The following TMPRSS6 variants were observed in gnomAD, a reference collection of about 807,000 sequenced individuals.
The protein encoded by TMPRSS6 is transmembrane protease serine 6.
Under a neutral mutation model 101.5 loss-of-function variants are expected in TMPRSS6, and 67 were observed. The observed-to-expected ratio is 0.66, with a 90% confidence interval of 0.54 to 0.81. The LOEUF is 0.81. Ranked by LOEUF, TMPRSS6 falls within the 30% of genes least tolerant of loss-of-function variation. The pLI, the probability that TMPRSS6 is intolerant of heterozygous loss-of-function variation, is 0.00. For missense variants in TMPRSS6, 1,034 were observed against 1,088.7 expected (o/e 0.95, Z 0.71); for synonymous variants, 453 against 464.9 (o/e 0.97, Z 0.33).
At chr22:37,097,465 C>T (rs1319167320) in intron 3 of TMPRSS6, among the ~76,000 whole-genome samples, 2 of 152,254 alleles carry the variant, frequency 1.3e-5, no homozygotes, top group African/African-American at 4.8e-5. Flanking sequence ...TGAACTATTC[C>T]CCCTGCCAGG....
chr22:37,068,939 T>C, intron 16 of TMPRSS6, 134 bp downstream of exon 16: 2 of 1,426,834 alleles, frequency 1.4e-6, no homozygotes, highest in Non-Finnish European at 1.8e-6. Context: ...TTCAGCCCAA[T>C]TTGAATCCCA....
At chr22:37,068,995 C>A in intron 16 of TMPRSS6, 78 bp downstream of exon 16, 1 of 1,515,086 alleles carries the variant, frequency 6.6e-7, no homozygotes, top group South Asian at 1.2e-5. Context: ...CCCAGCCCCG[C>A]CCTTCTCCAG....
chr22:37,097,803 G>A lies in TMPRSS6; in HGVS notation c.336+613C>T, dbSNP rs1365033763. Among the ~76,000 whole-genome samples, 4 of 121,532 alleles carry A rather than the reference G, an allele frequency of 3.3e-5. 1 individual carries two copies. The highest frequency in any genetic ancestry group is 6.4e-5 in the African/African-American group (2 of 31,174). The allele number at this position is 121,532 out of a possible 152,430, so 79.7% of individuals were successfully genotyped here. A position where few individuals can be genotyped will look rare whatever the true frequency, so the allele number is the denominator to read the frequency against. On this transcript the variant is annotated intron_variant, in intron 3 of 17. Coordinates refer to ENST00000676104, the MANE Select transcript of TMPRSS6 (RefSeq NM_001374504.1). ...CAGGAGTGGGCCACCGTCCTGTAAC[G>A]GAGGGGCAGGAGCGGCCACCGTCCT...
rs754247689 is a variant in TMPRSS6 at position 37,096,069 on chromosome 22, G to C, written c.426C>G (p.Phe142Leu). The C allele has an allele frequency of 3.7e-6, 6 of 1,614,102 alleles. No individual in the cohort carries two copies. In the Admixed American group the frequency reaches 5.0e-5, roughly 13 times the overall value. The change falls in exon 5 of 18, where the codon TTC becomes TTG. Residue 142 changes from phenylalanine to leucine, a missense_variant. Transcript: ENST00000676104. ...CGGGGATTTGGAGAATGAACCAGAA[G>C]AAGCAGGTGAGGGGTCCCTCCCTAA... ...YSFGEGPLTC[F>L]FWFILQIPEH...
intron 9 of TMPRSS6, 90 bp downstream of exon 9, chr22:37,084,637 C>T (rs1395168357): frequency 3.5e-5 from 41 of 1,165,542 alleles, no homozygotes; most frequent in Admixed American, 1.0e-4. Context: ...TCAGCAGAGG[C>T]GGGACACTGC....
At chr22:37,079,736 A>T (rs1928112563) in intron 10 of TMPRSS6, among the ~76,000 whole-genome samples, 2 of 152,192 alleles carry the variant, frequency 1.3e-5, no homozygotes. Context: ...CCCTTGTGGC[A>T]TGGTTTAAGG....
intron 1 of TMPRSS6, among the ~76,000 whole-genome samples, chr22:37,107,602 G>A (rs1410660350): frequency 1.3e-5 from 2 of 151,776 alleles, no homozygotes; most frequent in East Asian, 1.9e-4. Context: ...TGGCCACTGC[G>A]TGTTGTCACC....
chr22:37,079,144 G>C (rs1440221908), intron 10 of TMPRSS6, among the ~76,000 whole-genome samples: 1 of 152,144 alleles, frequency 6.6e-6, no homozygotes, highest in African/African-American at 2.4e-5. Context: ...AGAACTCTCT[G>C]GGGGAGGGTG....
At chr22:37,100,200 C>G (rs1171788809) in intron 2 of TMPRSS6, among the ~76,000 whole-genome samples, 1 of 152,252 alleles carries the variant, frequency 6.6e-6, no homozygotes, top group Non-Finnish European at 1.5e-5. Flanking sequence ...CTCCTGACCT[C>G]AGGTGATCCA....
chr22:37,084,519 G>T, intron 9 of TMPRSS6, 115 bp from the exon 10 acceptor site: 1 of 886,610 alleles, frequency 1.1e-6, no homozygotes, highest in Non-Finnish European at 1.8e-6. Flanking sequence ...GCTAAAGTCT[G>T]TCAGTCACTC....
Position 37,103,431 on chromosome 22 carries a change from C to T in TMPRSS6, c.-1-13G>A, listed in dbSNP as rs199861323. 104 of 1,614,248 alleles carry T rather than the reference C, an allele frequency of 6.4e-5. No individual in the cohort carries two copies. Among genetic ancestry groups the T allele is most frequent in the Middle Eastern group, 3.3e-4 (2 of 6,062 alleles). On this transcript the variant is annotated splice_polypyrimidine_tract_variant and intron_variant, in intron 1 of 17. Transcript: ENST00000676104. The surrounding 1 kb of genome is among the most constrained non-coding windows in gnomAD (Gnocchi z 4.4). ...GGCCACGGGCATCCTGCCAGGGAAA[C>T]AGACCAAAGTTGGAAACAGCCTCGC...
chr22:37,103,594 C>A lies in TMPRSS6; in HGVS notation c.-1-176G>T. 1 of 1,611,852 alleles carries A rather than the reference C, an allele frequency of 6.2e-7. No individual in the cohort carries two copies. The highest frequency in any genetic ancestry group is 8.5e-7 in the Non-Finnish European group (1 of 1,179,660). ...AGACAGCTCACAGAGGAGGGAAGTG[C>A]ATCTCAGGTCAGCTCGCACCAGAGG... is the stretch of plus-strand genomic sequence containing the variant. On this transcript the variant is annotated intron_variant, in intron 1 of 17. Coordinates refer to ENST00000676104, the MANE Select transcript of TMPRSS6 (RefSeq NM_001374504.1). The surrounding 1 kb of genome is among the most constrained non-coding windows in gnomAD (Gnocchi z 4.4).
chr22:37,092,387 C>A (rs956234088), intron 6 of TMPRSS6, among the ~76,000 whole-genome samples: 3 of 152,158 alleles, frequency 2.0e-5, no homozygotes, highest in Non-Finnish European at 2.9e-5. Flanking sequence ...CGCAGTGATG[C>A]GATCACAACA....
intron 13 of TMPRSS6, among the ~76,000 whole-genome samples, chr22:37,072,476 TG>T (rs1195846424): frequency 4.0e-5 from 4 of 100,464 alleles, no homozygotes; most frequent in South Asian, 3.3e-4. Flanking sequence ...GATGGATGGA[TG>T]GATGGATGAT....
At chr22:37,108,831 A>G (rs1454843519) in intron 1 of TMPRSS6, among the ~76,000 whole-genome samples, 3 of 152,304 alleles carry the variant, frequency 2.0e-5, no homozygotes, top group African/African-American at 7.2e-5. Context: ...CTAGGGCCAT[A>G]GGGGCATCTT....
intron 10 of TMPRSS6, among the ~76,000 whole-genome samples, chr22:37,078,930 G>T (rs5750376): frequency 1.1e-5 from 1 of 91,524 alleles, no homozygotes; most frequent in South Asian, 3.5e-4. Flanking sequence ...GAAAGAAGAG[G>T]AAGAAGGAGA....
At chr22:37,072,169 GAACGGAT>G (rs1927005223) in intron 13 of TMPRSS6, among the ~76,000 whole-genome samples, 4 of 148,910 alleles carry the variant, frequency 2.7e-5, no homozygotes, top group Admixed American at 6.7e-5. Flanking sequence ...GATGATGGAT[GAACGGAT>G]GATGGATGGA....
intron 10 of TMPRSS6, among the ~76,000 whole-genome samples, chr22:37,081,768 A>T (rs1372535755): frequency 2.0e-5 from 3 of 152,218 alleles, no homozygotes; most frequent in Non-Finnish European, 4.4e-5. Flanking sequence ...CAGGGACAAG[A>T]GGCCAAGTCC....
intron 6 of TMPRSS6, among the ~76,000 whole-genome samples, chr22:37,092,817 C>T (rs754026720): frequency 6.6e-6 from 1 of 152,226 alleles, no homozygotes; most frequent in African/African-American, 2.4e-5. Flanking sequence ...CTGATGCCCC[C>T]TCCATGAAGT....
Sources: allele counts gnomAD v4.1 joint callset (sites outside exome capture counted in the v4.1 genomes callset), GRCh38; gene constraint gnomAD v4.1.1; non-coding constraint Gnocchi (gnomAD v3.1); transcripts MANE v1.5; gene names NCBI Gene and HGNC (gene_info 2026-07-23, HGNC 2026-07-21).